Variants in TRIM9 observed in about 807,000 individuals in gnomAD.
TRIM9 encodes the protein E3 ubiquitin-protein ligase TRIM9.
In TRIM9, 26 loss-of-function variants were observed where a neutral mutation model predicts 78.3. The observed-to-expected ratio is 0.33, with a 90% CI of 0.24 to 0.46. TRIM9 has a LOEUF of 0.46. TRIM9 is among the 20% of genes least tolerant of loss of function. TRIM9 has a pLI of 1.00. For missense variants in TRIM9, 787 were observed against 1,036.4 expected (o/e 0.76, Z 3.30); for synonymous variants, 398 against 416.5 (o/e 0.96, Z 0.54).
intron 1 of TRIM9, among the ~76,000 whole-genome samples, chr14:51,050,022 G>A (rs1002213796): frequency 1.3e-5 from 2 of 152,030 alleles, no homozygotes; most frequent in Non-Finnish European, 1.5e-5. Context: ...AGAAATTTTG[G>A]AAGTAAACGA....
intron 3 of TRIM9, among the ~76,000 whole-genome samples, chr14:51,011,342 A>C (rs943459531): frequency 2.6e-5 from 4 of 152,134 alleles, no homozygotes; most frequent in Non-Finnish European, 5.9e-5. Context: ...TCAGTAACCC[A>C]AATCTTGAAT....
intron 1 of TRIM9, among the ~76,000 whole-genome samples, chr14:51,033,220 G>A (rs2058878892): frequency 6.6e-6 from 1 of 152,150 alleles, no homozygotes; most frequent in Admixed American, 6.5e-5. Flanking sequence ...CTCCTCCTGA[G>A]TAGCTGGGAC....
At chr14:51,051,335 G>C (rs999795354) in intron 1 of TRIM9, among the ~76,000 whole-genome samples, 9 of 152,292 alleles carry the variant, frequency 5.9e-5, no homozygotes, top group African/African-American at 1.7e-4. Flanking sequence ...GAAGAGATGA[G>C]ACAAAGAAGC....
intron 1 of TRIM9, among the ~76,000 whole-genome samples, chr14:51,037,710 TA>T (rs2059267667): frequency 6.6e-6 from 1 of 152,182 alleles, no homozygotes; most frequent in African/African-American, 2.4e-5. Flanking sequence ...TTTGGCTCTT[TA>T]AAAAAATTTT....
At chr14:50,979,667 C>G in intron 11 of TRIM9, 118 bp from the exon 12 acceptor site, 1 of 829,114 alleles carries the variant, frequency 1.2e-6, no homozygotes, top group South Asian at 1.7e-5. Context: ...TACCCCAAAA[C>G]CGTTTCCCTA....
At chr14:51,005,059 T>G (rs934008092) in intron 5 of TRIM9, among the ~76,000 whole-genome samples, 1 of 152,218 alleles carries the variant, frequency 6.6e-6, no homozygotes, top group African/African-American at 2.4e-5. Context: ...AGTTTAGACT[T>G]TAGCAGAACT....
At chr14:51,059,839 TA>T (rs1390373103) in intron 1 of TRIM9, among the ~76,000 whole-genome samples, 2 of 150,154 alleles carry the variant, frequency 1.3e-5, no homozygotes, top group Non-Finnish European at 3.0e-5. Context: ...ACAAAAAAAC[TA>T]AAACAAAACA....
intron 4 of TRIM9, among the ~76,000 whole-genome samples, chr14:51,009,766 T>C (rs2056326097): frequency 6.6e-6 from 1 of 152,360 alleles, no homozygotes; most frequent in African/African-American, 2.4e-5. Context: ...AATCGCTTTC[T>C]GTCACTCTTA....
chr14:51,087,719 T>A (rs1282833539), intron 1 of TRIM9, among the ~76,000 whole-genome samples: 1 of 152,238 alleles, frequency 6.6e-6, no homozygotes. Flanking sequence ...AACAAGCATT[T>A]ACTTCATAAG....
intron 1 of TRIM9, among the ~76,000 whole-genome samples, chr14:51,074,471 G>T (rs1191391685): frequency 6.6e-6 from 1 of 152,090 alleles, no homozygotes; most frequent in African/African-American, 2.4e-5. Context: ...TCGCAACTCA[G>T]TCCTCAAAAG....
At chr14:51,048,290 G>C (rs2060110397) in intron 1 of TRIM9, among the ~76,000 whole-genome samples, 2 of 152,234 alleles carry the variant, frequency 1.3e-5, no homozygotes, top group African/African-American at 2.4e-5. Flanking sequence ...ATGTAGCTCT[G>C]TTCCTGAGAT....
chr14:51,034,040 A>AAAACTGGTAATCCATGACTTTTC (rs1276921399), intron 1 of TRIM9, among the ~76,000 whole-genome samples: 1 of 152,244 alleles, frequency 6.6e-6, no homozygotes, highest in Non-Finnish European at 1.5e-5. Context: ...ATAATCTATT[A>AAAACTGGTAATCCATGACTTTTC]AAACTGGTAA....
chr14:51,003,607 A>T (rs1043138684), intron 5 of TRIM9, among the ~76,000 whole-genome samples: 1 of 152,206 alleles, frequency 6.6e-6, no homozygotes, highest in South Asian at 2.1e-4. Context: ...AACTTAATTT[A>T]TAAGCCCTTG....
chr14:50,990,016 T>A (rs1027842702), intron 7 of TRIM9, among the ~76,000 whole-genome samples: 1 of 152,300 alleles, frequency 6.6e-6, no homozygotes, highest in Admixed American at 6.5e-5. Context: ...ATTTCTTTTG[T>A]TTCTTTATTT....
intron 7 of TRIM9, 93 bp downstream of exon 7, chr14:50,997,957 A>C: frequency 6.4e-7 from 1 of 1,571,842 alleles, no homozygotes; most frequent in African/African-American, 1.3e-5. Flanking sequence ...ACACTTCAGG[A>C]ATGTGGGCAG....
chr14:51,084,227 T>G (rs1292045476), intron 1 of TRIM9, among the ~76,000 whole-genome samples: 1 of 152,182 alleles, frequency 6.6e-6, no homozygotes, highest in Non-Finnish European at 1.5e-5. Context: ...ATGTCCTAGT[T>G]CAGGTGTAAA....
rs1566587698 is a variant in TRIM9 at position 51,022,725 on chromosome 14, T to G, written c.1041+110A>C. ...CCAGACCACTGGCTACCCAAGGCTG[T>G]GGGCATCCTCTCCTCCTGTCCATGG... On this transcript the variant is annotated intron_variant, in intron 3 of 12. Coordinates refer to ENST00000684578, the MANE Select transcript of TRIM9 (RefSeq NM_001387360.1). The G allele has an allele frequency of 3.3e-6, 5 of 1,515,442 alleles. No homozygotes were observed. The African/African-American group carries it at 4.2e-5, about 13-fold the overall frequency. The allele number at this position is 1,515,442 out of a possible 1,614,324, so 93.9% of individuals were successfully genotyped here.
In TRIM9 at chr14:50,982,295, G is replaced by A; in HGVS notation, c.1859-192C>T. 4.8e-6 allele frequency: 3 copies of A among 629,816 alleles called. No homozygotes were observed. In the South Asian group the frequency reaches 5.9e-5, roughly 12 times the overall value. The allele number at this position is 629,816 out of a possible 1,614,324, so 39.0% of individuals were successfully genotyped here. A position where few individuals can be genotyped will look rare whatever the true frequency, so the allele number is the denominator to read the frequency against. On this transcript the variant is annotated intron_variant, in intron 10 of 12. Transcript: ENST00000684578. ...CTCTCTGCACCAGAAGCAGACGGAG[G>A]ACACACGACCGATTCAGCAGGGGTT...
At chr14:51,016,946 T>A (rs1486409449) in intron 3 of TRIM9, among the ~76,000 whole-genome samples, 1 of 152,242 alleles carries the variant, frequency 6.6e-6, no homozygotes, top group African/African-American at 2.4e-5. Context: ...TTGTTCTCCA[T>A]GCGTCCTTTT....
Sources: gnomAD v4.1 joint callset for allele counts (sites outside exome capture counted in the v4.1 genomes callset) on GRCh38, gnomAD v4.1.1 for gene constraint, MANE v1.5 for transcripts, NCBI Gene and HGNC (gene_info 2026-07-23, HGNC 2026-07-21) for gene names.